Variants in ATP9B observed in about 807,000 individuals in gnomAD.
The protein encoded by ATP9B is probable phospholipid-transporting ATPase IIB.
A neutral mutation model predicts 146.1 loss-of-function variants in ATP9B; 110 were observed. That is an observed-to-expected ratio of 0.75 (90% confidence interval 0.65 to 0.88). ATP9B has a LOEUF of 0.88. Among genes scored for constraint, ATP9B ranks in the 40% least tolerant of loss-of-function variants. The pLI is 0.00. For missense variants in ATP9B, 1,499 were observed against 1,496.4 expected (o/e 1.00, Z -0.03); for synonymous variants, 604 against 569.7 (o/e 1.06, Z -0.86).
chr18:79,323,305 CTTAG>C (rs1260434412), intron 15 of ATP9B, among the ~76,000 whole-genome samples: 4 of 152,144 alleles, frequency 2.6e-5, no homozygotes, highest in African/African-American at 9.7e-5. Context: ...CAGTTCCATT[CTTAG>C]TTATTGTAAA....
Position 79,140,805 on chromosome 18 carries a change from G to T in ATP9B, c.668-2997G>T, listed in dbSNP as rs28687311. ...CAAACAGCAGCAAAAAAAAGAGTAG[G>T]TAGTTATTTGGTATACATTTGGATC... is the stretch of plus-strand genomic sequence containing the variant. On this transcript the variant is annotated intron_variant, in intron 5 of 29. Transcript: ENST00000426216. 9.3e-3 allele frequency among the ~76,000 whole-genome samples: 1,421 copies of T among 152,022 alleles called. 20 individuals are homozygous for T. Among genetic ancestry groups the T allele is most frequent in the African/African-American group, 0.032 (1,317 of 41,452 alleles).
intron 8 of ATP9B, among the ~76,000 whole-genome samples, chr18:79,186,660 A>G (rs117681609): frequency 0.032 from 4,917 of 152,288 alleles, 117 homozygotes; most frequent in Non-Finnish European, 0.042. Flanking sequence ...ATAATTCTCA[A>G]GTTACTAGAG....
intron 6 of ATP9B, chr18:79,146,405 G>C (rs1316111590): frequency 4.8e-5 from 5 of 104,382 alleles, no homozygotes; most frequent in African/African-American, 2.3e-4. Flanking sequence ...TGAAGGTGCA[G>C]GCTGCATGTC....
At chr18:79,296,215 C>T (rs1181166682) in intron 13 of ATP9B, among the ~76,000 whole-genome samples, 2 of 152,184 alleles carry the variant, frequency 1.3e-5, no homozygotes, top group African/African-American at 2.4e-5. Flanking sequence ...CGAGTCTCAC[C>T]GTGTTGCTCA....
chr18:79,175,942 T>A (rs976334704), intron 7 of ATP9B, among the ~76,000 whole-genome samples: 3 of 152,186 alleles, frequency 2.0e-5, no homozygotes, highest in African/African-American at 7.2e-5. Flanking sequence ...GTATACAAAT[T>A]CTCTCTCCTC....
chr18:79,278,786 G>A (rs2096343113), intron 13 of ATP9B, among the ~76,000 whole-genome samples: 1 of 152,078 alleles, frequency 6.6e-6, no homozygotes, highest in Admixed American at 6.5e-5. Context: ...GGTAGACTGA[G>A]AAAGAGTGTT....
At chr18:79,159,113 A>T (rs2094838710) in intron 7 of ATP9B, among the ~76,000 whole-genome samples, 1 of 152,074 alleles carries the variant, frequency 6.6e-6, no homozygotes, top group African/African-American at 2.4e-5. Flanking sequence ...TTCTGTTGTC[A>T]TACTTTCTAC....
chr18:79,327,541 G>GCT lies in ATP9B; in HGVS notation c.1774-1596_1774-1595dup, dbSNP rs753538144. ...TTAGCGTGCTCTCCGTGGTTAGCGTGCTCTCCGTGGTTAGCGTGCTCTCCG... is the reference window on the plus strand; with the variant it reads ...TTAGCGTGCTCTCCGTGGTTAGCGTGCTCTCTCCGTGGTTAGCGTGCTCTCCG... On this transcript the variant is annotated intron_variant, in intron 15 of 29. Coordinates refer to ENST00000426216, the MANE Select transcript of ATP9B (RefSeq NM_198531.5). 5.1e-4 allele frequency among the ~76,000 whole-genome samples: 70 copies of GCT among 136,266 alleles called. 2 individuals carry two copies. Among genetic ancestry groups the GCT allele is most frequent in the African/African-American group, 1.8e-3 (64 of 35,918 alleles). 89.4% of individuals were successfully genotyped at this position (136,266 alleles called of 152,430 possible). A position where few individuals can be genotyped will look rare whatever the true frequency, so the allele number is the denominator to read the frequency against.
At chr18:79,289,099 T>A (rs1054749245) in intron 13 of ATP9B, among the ~76,000 whole-genome samples, 7 of 152,108 alleles carry the variant, frequency 4.6e-5, no homozygotes, top group African/African-American at 1.7e-4. Flanking sequence ...TGTCTTGGAG[T>A]TGCTCTTCTC....
chr18:79,127,637 T>A (rs181129320), intron 5 of ATP9B, among the ~76,000 whole-genome samples: 31 of 152,350 alleles, frequency 2.0e-4, no homozygotes, highest in South Asian at 1.0e-3. Flanking sequence ...TTGTTTCTAC[T>A]TTGTGACCGT....
chr18:79,341,155 A>G lies in ATP9B; in HGVS notation c.2284-1113A>G, dbSNP rs150200494. Among the ~76,000 whole-genome samples, 761 of 151,794 alleles carry G rather than the reference A, an allele frequency of 5.0e-3. 5 individuals carry two copies. The highest frequency in any genetic ancestry group is 0.017 in the African/African-American group (707 of 41,098). On this transcript the variant is annotated intron_variant, in intron 19 of 29. Transcript: ENST00000426216. ...GATGTGTGTAGCGTGACCTCGTTGA[A>G]GTCTGTGTTGCCGACACACCATTTA...
intron 7 of ATP9B, among the ~76,000 whole-genome samples, chr18:79,173,068 T>G (rs1297284645): frequency 6.6e-6 from 1 of 152,230 alleles, no homozygotes; most frequent in African/African-American, 2.4e-5. Context: ...GTGGTTTGCG[T>G]GTGCCGTTCC....
At position 79,277,116 on chromosome 18, in the gene ATP9B, A is replaced by G. The variant is rs766075140; in HGVS notation, c.1331A>G (p.Asn444Ser). Reference protein sequence around the residue: ...VYGWMMMKDENIPGTVVRTST... With the variant: ...VYGWMMMKDESIPGTVVRTST... The stretch of plus-strand genomic sequence containing the variant: ...GGATGGATGATGATGAAAGATGAGA[A>G]CATCCCTGGCACGGTCGTTCGGACC... Residue 444 changes from asparagine (N) to serine (S), a missense_variant, in exon 13 of 30, where the codon AAC (asparagine) becomes AGC (serine). Asn to Ser is a conservative substitution (Grantham distance 46). Coordinates refer to ENST00000426216, the MANE Select transcript of ATP9B (RefSeq NM_198531.5). 6.2e-7 allele frequency: 1 copy of G among 1,614,082 alleles called. No individual in the cohort carries two copies. The highest frequency in any genetic ancestry group is 1.7e-5 in the Admixed American group (1 of 60,030).
intron 12 of ATP9B, among the ~76,000 whole-genome samples, chr18:79,274,597 C>T (rs1016977568): frequency 3.3e-5 from 5 of 152,014 alleles, no homozygotes; most frequent in Non-Finnish European, 7.4e-5. Flanking sequence ...TATACAAAAC[C>T]CGTGTGGTAT....
intron 9 of ATP9B, among the ~76,000 whole-genome samples, chr18:79,199,762 GAAAAAAAA>G (rs61015454): frequency 7.2e-4 from 100 of 139,582 alleles, no homozygotes; most frequent in Non-Finnish European, 1.3e-3. Flanking sequence ...GACTACATCT[GAAAAAAAA>G]AAAAAAAAGA....
intron 1 of ATP9B, among the ~76,000 whole-genome samples, chr18:79,072,481 T>A (rs1052021977): frequency 1.3e-5 from 2 of 152,246 alleles, no homozygotes; most frequent in African/African-American, 4.8e-5. Flanking sequence ...AGGTTATAGA[T>A]TAACGGCATC....
At chr18:79,262,109 C>T (rs181418807) in intron 12 of ATP9B, among the ~76,000 whole-genome samples, 49 of 151,794 alleles carry the variant, frequency 3.2e-4, no homozygotes, top group Non-Finnish European at 5.3e-4. Context: ...CTGGACACCC[C>T]GCTCCCCTCC....
chr18:79,129,480 T>A (rs899647355), intron 5 of ATP9B, among the ~76,000 whole-genome samples: 3 of 152,154 alleles, frequency 2.0e-5, no homozygotes, highest in African/African-American at 7.2e-5. Flanking sequence ...ACAGGTTTTG[T>A]TTGGGTTTGT....
At chr18:79,108,766 CT>C (rs2075818346) in intron 2 of ATP9B, among the ~76,000 whole-genome samples, 1 of 152,198 alleles carries the variant, frequency 6.6e-6, no homozygotes, top group Non-Finnish European at 1.5e-5. Flanking sequence ...GTGTGAGGAT[CT>C]TCCCAGCACA....
Sources: allele counts gnomAD v4.1 joint callset (sites outside exome capture counted in the v4.1 genomes callset), GRCh38; gene constraint gnomAD v4.1.1; transcripts MANE v1.5; gene names NCBI Gene and HGNC (gene_info 2026-07-23, HGNC 2026-07-21).